EMP2: variants seen among roughly 807,000 people sequenced by gnomAD.
The protein encoded by EMP2 is epithelial membrane protein 2.
In EMP2, 19 loss-of-function variants were observed where a neutral mutation model predicts 13.7. The observed-to-expected ratio is 1.38, with a 90% CI of 0.97 to 2.03. The LOEUF (loss-of-function observed/expected upper bound fraction) is 2.03, where lower values mean the gene tolerates loss of function less well. Among genes scored for constraint, EMP2 ranks in the 30% most tolerant of loss-of-function variants. The pLI is 0.00. For synonymous variants in EMP2, 97 were observed against 84.7 expected, an observed-to-expected ratio of 1.15 and a Z score of -0.80; for missense variants, 253 against 220.7, an observed-to-expected ratio of 1.15 and a Z score of -0.93.
chr16:10,574,198 A>G (rs1328910236), intron 1 of EMP2, among the ~76,000 whole-genome samples: 3 of 152,118 alleles, frequency 2.0e-5, no homozygotes, highest in Non-Finnish European at 2.9e-5. Flanking sequence ...TTGGCCTCCC[A>G]AAGTGCTGGG....
At chr16:10,577,768 T>C (rs1110268) in intron 1 of EMP2, among the ~76,000 whole-genome samples, 35,539 of 151,780 alleles carry the variant, frequency 0.23, 4,556 homozygotes, top group East Asian at 0.43. Flanking sequence ...CTGGGAGAGA[T>C]CTGCTCCCTT....
intron 4 of EMP2, among the ~76,000 whole-genome samples, 168 bp downstream of exon 4, chr16:10,537,760 C>CCACACACACACA (rs34979037): frequency 6.7e-6 from 1 of 149,174 alleles, no homozygotes; most frequent in African/African-American, 2.5e-5. Context: ...ATGCATGCGC[C>CCACACACACACA]CACACACACA....
At chr16:10,543,351 G>T (rs1449146965) in intron 3 of EMP2, among the ~76,000 whole-genome samples, 1 of 152,268 alleles carries the variant, frequency 6.6e-6, no homozygotes, top group Admixed American at 6.5e-5. Flanking sequence ...CAACTTAGCT[G>T]GAGTTGGTCT....
At position 10,530,558 on chromosome 16, in the gene EMP2, AAAGAGC is replaced by A. The variant is rs2050590946; in HGVS notation, c.*2341_*2346del. ...TAAGCAGAAAAAGACAATGAGGTGCAAAGAGCTTATCTCCTGGGATGGTTCCTGGGT... is the reference window on the plus strand; with the variant it reads ...TAAGCAGAAAAAGACAATGAGGTGCATTATCTCCTGGGATGGTTCCTGGGT... On this transcript the variant is annotated 3_prime_UTR_variant, in exon 5 of 5. Coordinates refer to ENST00000359543, the MANE Select transcript of EMP2 (RefSeq NM_001424.6). 1.3e-5 allele frequency: 2 copies of A among 152,622 alleles called. No homozygotes were observed. Among genetic ancestry groups the A allele is most frequent in the Non-Finnish European group, 2.9e-5 (2 of 68,086 alleles). 9.5% of individuals were successfully genotyped at this position (152,622 alleles called of 1,614,324 possible). A position where few individuals can be genotyped will look rare whatever the true frequency, so the allele number is the denominator to read the frequency against.
rs10775284 is a variant in EMP2, at chr16:10,535,402, G to T, written c.317-2310C>A. Among the ~76,000 whole-genome samples the T allele has an allele frequency of 3.9e-5, 6 of 152,058 alleles. No individual in the cohort carries two copies. The East Asian group carries it at 1.2e-3, about 29-fold the overall frequency. On this transcript the variant is annotated intron_variant, in intron 4 of 4. Transcript: ENST00000359543. ...AGGGTAATCAATTTTGACTAAGCAG[G>T]CTTACAGATCAACAGACAAACATAG...
intron 3 of EMP2, among the ~76,000 whole-genome samples, chr16:10,538,472 G>C (rs1305490216): frequency 1.3e-5 from 2 of 152,212 alleles, no homozygotes; most frequent in Non-Finnish European, 2.9e-5. Context: ...CCATTTTAGA[G>C]AGGGATTCCC....
chr16:10,571,372 G>A (rs1232900534), intron 1 of EMP2, among the ~76,000 whole-genome samples: 2 of 151,274 alleles, frequency 1.3e-5, no homozygotes, highest in African/African-American at 2.4e-5. Flanking sequence ...AGACCAGTAC[G>A]TCTCACCACC....
At chr16:10,554,270 G>A (rs760830565) in intron 1 of EMP2, among the ~76,000 whole-genome samples, 84 of 152,194 alleles carry the variant, frequency 5.5e-4, no homozygotes, top group African/African-American at 2.0e-3. Flanking sequence ...AACCTCAGGT[G>A]ATCCACCAGC....
intron 4 of EMP2, among the ~76,000 whole-genome samples, chr16:10,535,214 A>C (rs1183089704): frequency 2.0e-5 from 3 of 152,134 alleles, no homozygotes; most frequent in Non-Finnish European, 4.4e-5. Flanking sequence ...TTTGAAGCAG[A>C]ACAGGGAGGG....
chr16:10,556,868 C>G (rs2050832472), intron 1 of EMP2, among the ~76,000 whole-genome samples: 7 of 152,162 alleles, frequency 4.6e-5, no homozygotes, highest in Admixed American at 3.3e-4. Flanking sequence ...CTCTCACATG[C>G]TTAGGGCCTG....
intron 1 of EMP2, among the ~76,000 whole-genome samples, chr16:10,551,303 T>G (rs1203169088): frequency 1.3e-5 from 2 of 152,242 alleles, no homozygotes; most frequent in African/African-American, 2.4e-5. Flanking sequence ...GGTCCATCCA[T>G]GATGTGGCAT....
intron 1 of EMP2, among the ~76,000 whole-genome samples, chr16:10,549,733 A>ACACG (rs1433455102): frequency 6.6e-6 from 1 of 151,324 alleles, no homozygotes; most frequent in Non-Finnish European, 1.5e-5. Context: ...ACACACTCAC[A>ACACG]CACACACACA....
chr16:10,539,072 A>C (rs951695370), intron 3 of EMP2, among the ~76,000 whole-genome samples: 1 of 152,114 alleles, frequency 6.6e-6, no homozygotes, highest in Non-Finnish European at 1.5e-5. Flanking sequence ...TCATCGGGCT[A>C]GGAAGGTAGA....
At chr16:10,573,361 C>G (rs578021366) in intron 1 of EMP2, among the ~76,000 whole-genome samples, 22 of 152,328 alleles carry the variant, frequency 1.4e-4, no homozygotes, top group African/African-American at 5.1e-4. Context: ...CACGGTTAAC[C>G]CCCATGAACA....
In EMP2 at chr16:10,528,935, T is replaced by C. The variant is rs2050576209; in HGVS notation, c.*3970A>G. On this transcript the variant is annotated 3_prime_UTR_variant, in exon 5 of 5. Transcript: ENST00000359543. ...CACAGAGCGTCCTAGAGCGCCAGCC[T>C]GTTCATGAGGGGTGTCCACAAAAGC... 6.6e-6 allele frequency: 1 copy of C among 152,232 alleles called. No homozygotes were observed. The highest frequency in any genetic ancestry group is 1.5e-5 in the Non-Finnish European group (1 of 68,050). 9.4% of individuals were successfully genotyped at this position (152,232 alleles called of 1,614,324 possible). A position where few individuals can be genotyped will look rare whatever the true frequency, so the allele number is the denominator to read the frequency against.
At chr16:10,545,886 C>T (rs2050735198) in intron 2 of EMP2, 3 of 152,082 alleles carry the variant, frequency 2.0e-5, no homozygotes, top group African/African-American at 7.3e-5. Flanking sequence ...GGTCCCTGCC[C>T]AGGCCACTCA....
chr16:10,551,935 T>TTAACA (rs2050791593), intron 1 of EMP2, among the ~76,000 whole-genome samples: 1 of 152,178 alleles, frequency 6.6e-6, no homozygotes, highest in Admixed American at 6.6e-5. Context: ...CCAGGAGCTG[T>TTAACA]ATGGCTGCAG....
At chr16:10,560,940 A>C (rs1444908825) in intron 1 of EMP2, among the ~76,000 whole-genome samples, 1 of 152,204 alleles carries the variant, frequency 6.6e-6, no homozygotes, top group Non-Finnish European at 1.5e-5. Flanking sequence ...CCTGGAGGCC[A>C]AGGGGGCTGG....
At chr16:10,544,326 A>G (rs2050723386) in intron 2 of EMP2, 1 of 123,658 alleles carries the variant, frequency 8.1e-6, no homozygotes, top group African/African-American at 3.1e-5. Flanking sequence ...ATTTAGAGGC[A>G]TGCACCAGCA....
Sources: allele counts gnomAD v4.1 joint callset (sites outside exome capture counted in the v4.1 genomes callset), GRCh38; gene constraint gnomAD v4.1.1; transcripts MANE v1.5; gene names NCBI Gene and HGNC (gene_info 2026-07-23, HGNC 2026-07-21).